Variants in FRMD4B observed in about 807,000 individuals in gnomAD.
FRMD4B encodes the protein FERM domain-containing protein 4B.
Under a neutral mutation model 141.5 loss-of-function variants are expected in FRMD4B, and 74 were observed. The ratio of observed to expected loss-of-function variants is 0.52; its 90% CI spans 0.43 to 0.63. The LOEUF (loss-of-function observed/expected upper bound fraction) is 0.63, where lower values mean the gene tolerates loss of function less well. Among genes scored for constraint, FRMD4B ranks in the 30% least tolerant of loss-of-function variants. The probability of loss-of-function intolerance (pLI) is 0.00; values close to 1 mark genes in which losing one functional copy is unlikely to be tolerated. For missense variants in FRMD4B, 1,366 were observed against 1,253.4 expected (o/e 1.09, Z -1.36); for synonymous variants, 506 against 467.9 (o/e 1.08, Z -1.05).
At chr3:69,179,888 A>T (rs1425189692) in intron 21 of FRMD4B, among the ~76,000 whole-genome samples, 2 of 152,214 alleles carry the variant, frequency 1.3e-5, no homozygotes, top group Non-Finnish European at 2.9e-5. Flanking sequence ...TCATTTGCTG[A>T]ATAAATAAAA....
At chr3:69,332,920 C>G (rs1702419988) in intron 1 of FRMD4B, among the ~76,000 whole-genome samples, 1 of 152,004 alleles carries the variant, frequency 6.6e-6, no homozygotes, top group Non-Finnish European at 1.5e-5. Flanking sequence ...TCTCCTCGTC[C>G]TTAACAAGAG....
At chr3:69,275,052 A>C (rs2093611639) in intron 5 of FRMD4B, among the ~76,000 whole-genome samples, 1 of 152,254 alleles carries the variant, frequency 6.6e-6, no homozygotes, top group Admixed American at 6.5e-5. Flanking sequence ...TGAAGAGTGG[A>C]CAAGAGGTCA....
intron 1 of FRMD4B, among the ~76,000 whole-genome samples, chr3:69,500,813 G>C (rs1454836638): frequency 6.6e-6 from 1 of 152,056 alleles, no homozygotes; most frequent in African/African-American, 2.4e-5. Context: ...TCTCCCACAG[G>C]GGAGGGAGGA....
At chr3:69,359,348 G>C (rs1406864596) in intron 1 of FRMD4B, among the ~76,000 whole-genome samples, 1 of 152,116 alleles carries the variant, frequency 6.6e-6, no homozygotes, top group Non-Finnish European at 1.5e-5. Context: ...CTTGTTCAGG[G>C]CTATAACACG....
intron 1 of FRMD4B, among the ~76,000 whole-genome samples, chr3:69,382,923 A>G (rs1265919189): frequency 1.3e-5 from 2 of 152,122 alleles, no homozygotes; most frequent in Non-Finnish European, 2.9e-5. Flanking sequence ...AGTTCATTCT[A>G]CTGCTAGACT....
chr3:69,169,572 G>C lies in FRMD4B; in HGVS notation c.*2289C>G, dbSNP rs1285916947. On this transcript the variant is annotated 3_prime_UTR_variant, in exon 23 of 23. Transcript: ENST00000398540. Reference sequence around the variant, plus strand: ...GGGTTTCACCATGTTGTCCAGGCTGGTCTTGAACTCCTGAGCTCAAGCAAT... The same window carrying C: ...GGGTTTCACCATGTTGTCCAGGCTGCTCTTGAACTCCTGAGCTCAAGCAAT... 6.6e-6 allele frequency among the ~76,000 whole-genome samples: 1 copy of C among 151,896 alleles called. No homozygotes were observed. Among genetic ancestry groups the C allele is most frequent in the Non-Finnish European group, 1.5e-5 (1 of 67,976 alleles).
At position 69,488,519 on chromosome 3, in the gene FRMD4B, A is replaced by C. The variant is rs528264821; in HGVS notation, c.-129+53687T>G. On this transcript the variant is annotated intron_variant, in intron 1 of 5. Coordinates refer to the FRMD4B transcript ENST00000459638. ...CTTTTCAACAAATCATGCTGAGACA[A>C]CTGGATAGCCACATGAAAAATAATA... Among the ~76,000 whole-genome samples the C allele has an allele frequency of 2.8e-3, 426 of 152,344 alleles. 2 individuals carry two copies. The highest frequency in any genetic ancestry group is 9.6e-3 in the African/African-American group (399 of 41,578).
intron 1 of FRMD4B, among the ~76,000 whole-genome samples, chr3:69,462,646 C>G (rs1705723752): frequency 6.6e-6 from 1 of 152,228 alleles, no homozygotes; most frequent in Non-Finnish European, 1.5e-5. Flanking sequence ...CTCCCTGTGC[C>G]TACACCTGAG....
At chr3:69,416,453 T>A (rs917161928) in intron 2 of FRMD4B, among the ~76,000 whole-genome samples, 1 of 152,148 alleles carries the variant, frequency 6.6e-6, no homozygotes, top group African/African-American at 2.4e-5. Context: ...GCTGAGAATA[T>A]AAATTATAAG....
intron 5 of FRMD4B, among the ~76,000 whole-genome samples, chr3:69,261,325 G>T (rs143988177): frequency 6.6e-6 from 1 of 152,134 alleles, no homozygotes; most frequent in South Asian, 2.1e-4. Context: ...GAGGGTCCAC[G>T]GCTTCATTCT....
intron 1 of FRMD4B, among the ~76,000 whole-genome samples, chr3:69,476,087 T>G (rs1705992045): frequency 6.6e-6 from 1 of 151,098 alleles, no homozygotes; most frequent in Admixed American, 6.6e-5. Flanking sequence ...GAGTTCATTG[T>G]AGATTCTGGA....
chr3:69,461,101 G>C (rs1364305816), intron 1 of FRMD4B, among the ~76,000 whole-genome samples: 2 of 152,174 alleles, frequency 1.3e-5, no homozygotes, highest in Non-Finnish European at 2.9e-5. Context: ...TTTCAATTGT[G>C]TTTAGATCTA....
At chr3:69,474,688 A>T (rs1378308384) in intron 1 of FRMD4B, among the ~76,000 whole-genome samples, 1 of 146,378 alleles carries the variant, frequency 6.8e-6, no homozygotes, top group Admixed American at 6.7e-5. Context: ...ACACTGGAGC[A>T]TTGCTGCCGA....
At chr3:69,372,109 CTT>C (rs2107492594) in intron 1 of FRMD4B, among the ~76,000 whole-genome samples, 1 of 152,306 alleles carries the variant, frequency 6.6e-6, no homozygotes, top group South Asian at 2.1e-4. Context: ...GCCTCAGTGT[CTT>C]TGCGTCTGCC....
intron 2 of FRMD4B, among the ~76,000 whole-genome samples, chr3:69,428,753 A>T (rs1705127155): frequency 1.3e-5 from 2 of 152,186 alleles, no homozygotes. Flanking sequence ...TATTAAGTAC[A>T]TTCACATTGT....
intron 1 of FRMD4B, among the ~76,000 whole-genome samples, chr3:69,510,931 C>T (rs1182334329): frequency 6.6e-6 from 1 of 152,172 alleles, no homozygotes; most frequent in Non-Finnish European, 1.5e-5. Context: ...TTATAGTTGA[C>T]CAATAAATCT....
intron 1 of FRMD4B, among the ~76,000 whole-genome samples, chr3:69,437,509 T>C (rs1398464943): frequency 6.9e-6 from 1 of 145,644 alleles, no homozygotes; most frequent in Non-Finnish European, 1.5e-5. Context: ...ACATACACTG[T>C]TATATGTAGT....
chr3:69,441,311 T>G (rs1270785057), intron 1 of FRMD4B, among the ~76,000 whole-genome samples: 1 of 152,202 alleles, frequency 6.6e-6, no homozygotes, highest in Non-Finnish European at 1.5e-5. Context: ...GTGGTTTTCT[T>G]TATGTACTCA....
chr3:69,189,067 C>A (rs568624787), intron 18 of FRMD4B, among the ~76,000 whole-genome samples: 2 of 151,176 alleles, frequency 1.3e-5, no homozygotes, highest in South Asian at 4.2e-4. Context: ...ACTAAAAATA[C>A]AAAAATTAGC....
Sources: gnomAD v4.1 joint callset for allele counts (sites outside exome capture counted in the v4.1 genomes callset) on GRCh38, gnomAD v4.1.1 for gene constraint, MANE v1.5 for transcripts, NCBI Gene and HGNC (gene_info 2026-07-23, HGNC 2026-07-21) for gene names.